The following SVIL variants were observed in gnomAD, a reference collection of about 807,000 sequenced individuals.
SVIL encodes the protein supervillin, also known as archvillin.
Under a neutral mutation model 240.4 loss-of-function variants are expected in SVIL, and 101 were observed. The ratio of observed to expected loss-of-function variants is 0.42; its 90% CI spans 0.36 to 0.50. SVIL has a LOEUF of 0.50. Among genes scored for constraint, SVIL ranks in the 20% least tolerant of loss-of-function variants. The pLI, the probability that SVIL is intolerant of heterozygous loss-of-function variation, is 0.01. For synonymous variants in SVIL, 999 were observed against 1,100.0 expected (o/e 0.91, Z 1.82); for missense variants, 2,512 against 2,818.7 (o/e 0.89, Z 2.46).
intron 1 of SVIL, among the ~76,000 whole-genome samples, chr10:29,595,594 T>C (rs1039374536): frequency 2.0e-5 from 3 of 152,210 alleles, no homozygotes; most frequent in African/African-American, 7.2e-5. Flanking sequence ...AAAATGTAAA[T>C]ATGAAACAAA....
At chr10:29,509,324 G>GAGAGA (rs1564540768) in intron 17 of SVIL, among the ~76,000 whole-genome samples, 17 of 79,776 alleles carry the variant, frequency 2.1e-4, no homozygotes, top group Non-Finnish European at 4.1e-4. Flanking sequence ...GGAGAAGGAG[G>GAGAGA]GGGAGGGAGA....
rs180877732 is a variant in SVIL at position 29,488,640 on chromosome 10, C to T, written c.4309G>A (p.Ala1437Thr). 7.2e-5 allele frequency: 116 copies of T among 1,611,960 alleles called. No individual in the cohort carries two copies. The highest frequency in any genetic ancestry group is 2.0e-4 in the East Asian group (9 of 44,806). Reference protein sequence around the residue: ...NLTEQNSNNSAVPYKRLMLLQ... With the variant: ...NLTEQNSNNSTVPYKRLMLLQ... The stretch of plus-strand genomic sequence containing the variant: ...AGCATCAGCCTCTTGTAGGGCACGG[C>T]GCTGTTGTTAGAGTTCTGTTCCGTC... Residue 1437 changes from alanine (A) to threonine (T), a missense_variant, in exon 23 of 38, where the codon GCC becomes ACC. By Grantham distance (58) the Ala-to-Thr change is moderately conservative (BLOSUM62 0). This residue lies in a region of SVIL where 272 missense variants were observed against 406.8 expected (regional missense o/e 0.67). Coordinates refer to ENST00000355867, the MANE Select transcript of SVIL (RefSeq NM_021738.3).
chr10:29,665,591 C>T (rs1295115347), intron 2 of SVIL, among the ~76,000 whole-genome samples: 1 of 152,096 alleles, frequency 6.6e-6, no homozygotes, highest in African/African-American at 2.4e-5. Context: ...GTCAGGAGAT[C>T]GAGACCATCC....
intron 1 of SVIL, among the ~76,000 whole-genome samples, 168 bp downstream of exon 1, chr10:29,634,252 A>G (rs1406537914): frequency 6.6e-6 from 1 of 152,090 alleles, no homozygotes; most frequent in Non-Finnish European, 1.5e-5. Flanking sequence ...GGGTATCTAC[A>G]GGAATGGCTG....
rs752643882 is a variant in SVIL at position 29,554,804 on chromosome 10, C to T, written c.139G>A (p.Asp47Asn). 3 of 1,606,676 alleles carry T rather than the reference C, an allele frequency of 1.9e-6. No individual in the cohort carries two copies. The highest frequency in any genetic ancestry group is 1.1e-5 in the South Asian group (1 of 89,872). ...TCACCGATGTGGGGGCTGGCAGGGTCGCTGGCTCTCATGTATCGAGGGGTG... is the reference window on the plus strand; with the variant it reads ...TCACCGATGTGGGGGCTGGCAGGGTTGCTGGCTCTCATGTATCGAGGGGTG... ...EDTPRYMRAS[D>N]PASPHIGRSN... Residue 47 changes from aspartate to asparagine, a missense_variant, in exon 5 of 38, where the codon GAC becomes AAC. This residue lies in a region of SVIL where 1,443 missense variants were observed against 1,486.6 expected (regional missense o/e 0.97). Coordinates refer to ENST00000355867, the MANE Select transcript of SVIL (RefSeq NM_021738.3).
rs1944825906 is a variant in SVIL at position 29,465,667 on chromosome 10, G to T, written c.6061C>A (p.Pro2021Thr). 1 of 1,613,566 alleles carries T rather than the reference G, an allele frequency of 6.2e-7. No individual in the cohort carries two copies. The highest frequency in any genetic ancestry group is 1.7e-5 in the Admixed American group (1 of 59,998). Residue 2021 changes from proline (P) to threonine (T), a missense_variant, in exon 34 of 38, where the codon CCT becomes ACT. Around this residue, in one of 3 missense-constraint regions of SVIL, gnomAD observed 797 missense variants for 925.3 expected, o/e 0.86. Transcript: ENST00000355867. ...GDFAATEFVY[P>T]ARAPSVVSSM... is the part of the protein sequence containing the mutation. ...CTGACCACAGAGGGGGCTCGGGCAG[G>T]GTACACAAACTCTGTGGCTGCAAAA...
At chr10:29,676,670 G>A (rs553195039) in intron 2 of SVIL, among the ~76,000 whole-genome samples, 153 of 152,326 alleles carry the variant, frequency 1.0e-3, no homozygotes, top group African/African-American at 3.2e-3. Context: ...TTAAGGGGCC[G>A]GAGCAGCTGG....
At chr10:29,581,826 C>A (rs992870802) in intron 1 of SVIL, among the ~76,000 whole-genome samples, 3 of 152,120 alleles carry the variant, frequency 2.0e-5, no homozygotes, top group African/African-American at 4.8e-5. Flanking sequence ...AGACATAGGT[C>A]AGTTCTGTGT....
intron 1 of SVIL, among the ~76,000 whole-genome samples, chr10:29,688,168 A>G (rs889109388): frequency 6.6e-6 from 1 of 152,254 alleles, no homozygotes; most frequent in African/African-American, 2.4e-5. Context: ...GCTTCTGAAT[A>G]TAAATGAAAA....
At chr10:29,463,662 C>T in intron 34 of SVIL, 27 bp from the exon 35 acceptor site, 2 of 1,609,630 alleles carry the variant, frequency 1.2e-6, no homozygotes, top group Admixed American at 1.7e-5. Context: ...AGGGCCAGAC[C>T]ATCAGGAGCT....
Position 29,523,719 on chromosome 10 carries a change from C to CTTCT in SVIL, c.2891_2894dup (p.Tyr966GlufsTer6). On this transcript the variant is annotated frameshift_variant, in exon 15 of 38. Transcript: ENST00000355867. LOFTEE classifies it high-confidence loss of function. ...CTTCTGCTTCCTCAAAGGACCCATA[C>CTTCT]TTCTCCATCCCACTGTCTCGACCTG... The CTTCT allele has an allele frequency of 6.2e-7, 1 of 1,614,232 alleles. No individual in the cohort carries two copies. The highest frequency in any genetic ancestry group is 8.5e-7 in the Non-Finnish European group (1 of 1,180,032).
intron 3 of SVIL, among the ~76,000 whole-genome samples, chr10:29,653,813 T>C (rs1373739547): frequency 2.0e-5 from 3 of 152,198 alleles, no homozygotes; most frequent in Non-Finnish European, 4.4e-5. Flanking sequence ...CCCCATTGAA[T>C]TGTTTTGGCA....
Position 29,523,764 on chromosome 10 carries a change from T to C in SVIL, c.2850A>G (p.Thr950=), listed in dbSNP as rs1319189951. The stretch of plus-strand genomic sequence containing the variant: ...GACCTGTCAAAGCTCTCTTGCTTTC[T>C]GTCTCTCCATATTCTCTCAACATTC... ...NKGMLREYGE[T]ESKRALTGRD... The change falls in exon 15 of 38, where the codon ACA becomes ACG. Residue 950 remains threonine (T), a synonymous_variant. Transcript: ENST00000355867. 4 of 1,614,144 alleles carry C rather than the reference T, an allele frequency of 2.5e-6. No homozygotes were observed. Among genetic ancestry groups the C allele is most frequent in the East Asian group, 4.5e-5 (2 of 44,900 alleles).
At chr10:29,508,321 C>T (rs575533152) in intron 17 of SVIL, 711 of 1,282,546 alleles carry the variant, frequency 5.5e-4, no homozygotes, top group Admixed American at 7.1e-4. Flanking sequence ...GAGAGGACAC[C>T]TGTGTTAGAG....
intron 34 of SVIL, among the ~76,000 whole-genome samples, chr10:29,465,312 C>G (rs961144836): frequency 1.3e-5 from 2 of 152,112 alleles, no homozygotes; most frequent in African/African-American, 4.8e-5. Context: ...AGAGCGGAGA[C>G]GCCAGGCCTG....
At chr10:29,589,131 C>T (rs942263750) in intron 1 of SVIL, among the ~76,000 whole-genome samples, 3 of 152,014 alleles carry the variant, frequency 2.0e-5, no homozygotes, top group African/African-American at 4.8e-5. Context: ...ATATTCATGC[C>T]AAAGGGAAAA....
chr10:29,522,497 C>T lies in SVIL; in HGVS notation c.3302G>A (p.Cys1101Tyr), dbSNP rs757363281. 4 of 1,614,238 alleles carry T rather than the reference C, an allele frequency of 2.5e-6. No homozygotes were observed. The Admixed American group carries it at 5.0e-5, about 20-fold the overall frequency. The change falls in exon 16 of 38, where the codon TGT becomes TAT. Residue 1101 changes from cysteine to tyrosine, a missense_variant. Physicochemically the swap from Cys to Tyr is radical, Grantham distance 194. Around this residue, in one of 3 missense-constraint regions of SVIL, gnomAD observed 1,443 missense variants for 1,486.6 expected, o/e 0.97. Coordinates refer to ENST00000355867, the MANE Select transcript of SVIL (RefSeq NM_021738.3). ...GATCTCTCCAGCAGCAAACATCGCA[C>T]ATGGATTCTTGCAGAGCTTCTCCTG... ...QPQEKLCKNPCAMFAAGEIKT... is the reference protein window; with the variant it reads ...QPQEKLCKNPYAMFAAGEIKT...
chr10:29,527,799 C>T (rs2132548145), intron 12 of SVIL, among the ~76,000 whole-genome samples: 1 of 147,360 alleles, frequency 6.8e-6, no homozygotes, highest in Admixed American at 6.9e-5. Flanking sequence ...GATCTCGGCT[C>T]ACTGCAGCCT....
At chr10:29,519,234 T>A (rs369859041) in intron 16 of SVIL, among the ~76,000 whole-genome samples, 113 of 152,224 alleles carry the variant, frequency 7.4e-4, no homozygotes, top group African/African-American at 2.5e-3. Flanking sequence ...ATTCTCCTGG[T>A]TAGAGCACAC....
Sources: allele counts gnomAD v4.1 joint callset (sites outside exome capture counted in the v4.1 genomes callset), GRCh38; gene constraint gnomAD v4.1.1; regional missense constraint gnomAD v4.1.1; transcripts MANE v1.5; gene names NCBI Gene and HGNC (gene_info 2026-07-23, HGNC 2026-07-21).